Variants in CASP9 observed in about 807,000 individuals in gnomAD.
CASP9 encodes the protein caspase-9.
In CASP9, 29 loss-of-function variants were observed where a neutral mutation model predicts 43.5. The ratio of observed to expected loss-of-function variants is 0.67; its 90% CI spans 0.50 to 0.91. The LOEUF is 0.91. Ranked by LOEUF, CASP9 falls within the 40% of genes least tolerant of loss-of-function variation. The pLI is 0.00. For synonymous variants in CASP9, 206 were observed against 211.9 expected, an observed-to-expected ratio of 0.97 and a Z score of 0.24; for missense variants, 575 against 537.4, an observed-to-expected ratio of 1.07 and a Z score of -0.69.
At chr1:15,524,036 G>A (rs1165862570) in intron 1 of CASP9, 33 bp downstream of exon 1, 2 of 1,422,524 alleles carry the variant, frequency 1.4e-6, no homozygotes, top group South Asian at 1.3e-5. Flanking sequence ...GGACCCGGCC[G>A]TGCAGCGCGG....
chr1:15,508,513 A>G (rs1557545476), intron 2 of CASP9, among the ~76,000 whole-genome samples: 1 of 152,106 alleles, frequency 6.6e-6, no homozygotes, highest in African/African-American at 2.4e-5. Context: ...CCCAGATTCA[A>G]GCAATTCTCC....
Position 15,518,306 on chromosome 1 carries a change from G to A in CASP9, c.222C>T (p.Ile74=). The A allele has an allele frequency of 6.2e-7, 1 of 1,614,216 alleles. No individual in the cohort carries two copies. ...CCTGGCCTGTGTCCTCTAAGCAGGA[G>A]ATGAACAAAGGAAGAGCCTGACTCC... ...TRGSQALPLF[I]SCLEDTGQDM... The change falls in exon 2 of 9, where the codon ATC becomes ATT. Residue 74 remains isoleucine (I), a synonymous_variant. Transcript: ENST00000333868.
chr1:15,501,120 C>G (rs983963836), intron 6 of CASP9, among the ~76,000 whole-genome samples: 2 of 152,152 alleles, frequency 1.3e-5, no homozygotes, highest in South Asian at 4.1e-4. Context: ...ATGTTCCCTC[C>G]GCACAGAAAA....
In CASP9 at chr1:15,504,754, C is replaced by T; in HGVS notation, c.725G>A (p.Ser242Asn). 3.1e-6 allele frequency: 5 copies of T among 1,612,578 alleles called. No homozygotes were observed. Among genetic ancestry groups the T allele is most frequent in the Non-Finnish European group, 4.2e-6 (5 of 1,179,374 alleles). Residue 242 changes from serine (S) to asparagine (N), a missense_variant, in exon 6 of 9, where the codon AGC (serine) becomes AAC (asparagine). Transcript: ENST00000333868. Reference sequence around the variant, plus strand: ...GACAGCCCCTGGGAACTGCAGGTGGCTGGCCTAGAAGACCAAGAACCCTGG... The same window carrying T: ...GACAGCCCCTGGGAACTGCAGGTGGTTGGCCTAGAAGACCAAGAACCCTGG... ...VVILSHGCQA[S>N]HLQFPGAVYG... is the part of the protein sequence containing the mutation.
In CASP9 at chr1:15,493,978, TG is replaced by T; in HGVS notation, c.1071del (p.Lys358ArgfsTer36). On this transcript the variant is annotated frameshift_variant, in exon 8 of 9. Transcript: ENST00000333868. LOFTEE classifies it high-confidence loss of function. ...TFPGFVSWRD[P>X]KSGSWYVETL... is the part of the protein sequence containing the mutation. ...GTCTCAACGTACCAGGAGCCACTCT[TG>T]GGGTCCCTCCAGGAAACAAAACCTT... is the stretch of plus-strand genomic sequence containing the variant. 6.3e-7 allele frequency: 1 copy of T among 1,599,510 alleles called. No homozygotes were observed. The highest frequency in any genetic ancestry group is 8.5e-7 in the Non-Finnish European group (1 of 1,172,686).
chr1:15,521,569 C>A (rs185963659), intron 1 of CASP9, among the ~76,000 whole-genome samples: 322 of 152,254 alleles, frequency 2.1e-3, no homozygotes, highest in African/African-American at 7.3e-3. Context: ...ACATATGCTG[C>A]CTTCTCTCTC....
chr1:15,492,765 G>T lies in CASP9; in HGVS notation c.*178C>A. 1.2e-6 allele frequency: 1 copy of T among 820,804 alleles called. No homozygotes were observed. The highest frequency in any genetic ancestry group is 1.9e-6 in the Non-Finnish European group (1 of 527,898). The allele number at this position is 820,804 out of a possible 1,614,324, so 50.8% of individuals were successfully genotyped here. A position where few individuals can be genotyped will look rare whatever the true frequency, so the allele number is the denominator to read the frequency against. On this transcript the variant is annotated 3_prime_UTR_variant, in exon 9 of 9. Coordinates refer to ENST00000333868, the MANE Select transcript of CASP9 (RefSeq NM_001229.5). ...TCTGTCCCTCTTCCTCCACTGTTCAGCACTTGTCGTCAATCTGGAAGCTGC... is the reference window on the plus strand; with the variant it reads ...TCTGTCCCTCTTCCTCCACTGTTCATCACTTGTCGTCAATCTGGAAGCTGC...
intron 7 of CASP9, 134 bp from the exon 8 acceptor site, chr1:15,494,135 TG>T (rs1484571759): frequency 1.9e-6 from 2 of 1,060,044 alleles, no homozygotes; most frequent in Non-Finnish European, 2.7e-6. Flanking sequence ...AGGAGCAGCC[TG>T]GCCCCTGAGG....
At chr1:15,496,463 G>A (rs1382569084) in intron 6 of CASP9, among the ~76,000 whole-genome samples, 1 of 152,112 alleles carries the variant, frequency 6.6e-6, no homozygotes, top group Non-Finnish European at 1.5e-5. Context: ...TTGGAAAGAA[G>A]GAGTAAAATT....
At chr1:15,506,867 AC>A in intron 4 of CASP9, 31 bp downstream of exon 4, 2 of 1,257,654 alleles carry the variant, frequency 1.6e-6, no homozygotes, top group Non-Finnish European at 2.3e-6. Flanking sequence ...ACTGCCCCCC[AC>A]CCTGTCTCCC....
rs577547951 is a variant in CASP9 at position 15,494,892 on chromosome 1, A to C, written c.1048+381T>G. 2.3e-3 allele frequency among the ~76,000 whole-genome samples: 345 copies of C among 147,410 alleles called. 3 individuals are homozygous for C. The highest frequency in any genetic ancestry group is 8.2e-3 in the African/African-American group (324 of 39,636). ...AAAAAAAAAAAAAAAAAAAAGAAGGAAGGAAACTACCGCTTGCTGCAACTA... is the reference window on the plus strand; with the variant it reads ...AAAAAAAAAAAAAAAAAAAAGAAGGCAGGAAACTACCGCTTGCTGCAACTA... On this transcript the variant is annotated intron_variant, in intron 7 of 8. Coordinates refer to ENST00000333868, the MANE Select transcript of CASP9 (RefSeq NM_001229.5).
At chr1:15,518,656 G>C (rs1455611717) in intron 1 of CASP9, among the ~76,000 whole-genome samples, 1 of 152,224 alleles carries the variant, frequency 6.6e-6, no homozygotes, top group African/African-American at 2.4e-5. Context: ...ATTTCTAATG[G>C]GGAATGCAAT....
At chr1:15,505,609 G>T (rs993273799) in intron 5 of CASP9, among the ~76,000 whole-genome samples, 2 of 152,158 alleles carry the variant, frequency 1.3e-5, no homozygotes, top group African/African-American at 4.8e-5. Context: ...CCCCCAGTGG[G>T]CCTGGTGTCC....
At chr1:15,498,891 CGT>C (rs1709217046) in intron 6 of CASP9, among the ~76,000 whole-genome samples, 1 of 151,936 alleles carries the variant, frequency 6.6e-6, no homozygotes, top group Non-Finnish European at 1.5e-5. Context: ...GGACTACAGG[CGT>C]GTGCCACCAC....
intron 1 of CASP9, among the ~76,000 whole-genome samples, chr1:15,522,019 A>G (rs779227763): frequency 1.3e-5 from 2 of 152,186 alleles, no homozygotes; most frequent in Non-Finnish European, 2.9e-5. Context: ...ATGCAAATAG[A>G]TGGTGGTGTT....
upstream of CASP9, chr1:15,524,771 C>G (rs1156791070): frequency 9.9e-7 from 1 of 1,010,342 alleles, no homozygotes; most frequent in Non-Finnish European, 1.2e-6. Flanking sequence ...GCGTCACCGC[C>G]CACTCCCCGG....
intron 2 of CASP9, 94 bp from the exon 3 acceptor site, chr1:15,508,001 A>C: frequency 7.8e-7 from 1 of 1,276,826 alleles, no homozygotes. Context: ...AGAACGGAGC[A>C]GCGAGAACTC....
In CASP9 at chr1:15,492,490, T is replaced by C. The variant is rs1031556876; in HGVS notation, c.*453A>G. 6.3e-6 allele frequency: 1 copy of C among 158,724 alleles called. No homozygotes were observed. The highest frequency in any genetic ancestry group is 1.4e-5 in the Non-Finnish European group (1 of 72,542). The allele number at this position is 158,724 out of a possible 1,614,324, so 9.8% of individuals were successfully genotyped here. The stretch of plus-strand genomic sequence containing the variant: ...GAAAGTTTTATACCCCAGGACATAT[T>C]TGGCAACACCTGAGAACCTTTTTGT... On this transcript the variant is annotated 3_prime_UTR_variant, in exon 9 of 9. Coordinates refer to ENST00000333868, the MANE Select transcript of CASP9 (RefSeq NM_001229.5).
chr1:15,509,863 A>G (rs1709689109), intron 2 of CASP9, among the ~76,000 whole-genome samples: 6 of 152,356 alleles, frequency 3.9e-5, no homozygotes, highest in Admixed American at 3.9e-4. Flanking sequence ...ATTTTCCATC[A>G]ACATCAAAAG....
Sources: allele counts gnomAD v4.1 joint callset (sites outside exome capture counted in the v4.1 genomes callset), GRCh38; gene constraint gnomAD v4.1.1; transcripts MANE v1.5; gene names NCBI Gene and HGNC (gene_info 2026-07-23, HGNC 2026-07-21).